The following CLASP1 variants were observed in gnomAD, a reference collection of about 807,000 sequenced individuals.
The protein encoded by CLASP1 is CLIP-associating protein 1.
In CLASP1, 38 loss-of-function variants were observed where a neutral mutation model predicts 192.3. The observed-to-expected ratio is 0.20, with a 90% CI of 0.15 to 0.26. The LOEUF (loss-of-function observed/expected upper bound fraction) is 0.26, where lower values mean the gene tolerates loss of function less well. Among genes scored for constraint, CLASP1 ranks in the 10% least tolerant of loss-of-function variants. The pLI, the probability that CLASP1 is intolerant of heterozygous loss-of-function variation, is 1.00. For synonymous variants in CLASP1, 691 were observed against 712.8 expected, an observed-to-expected ratio of 0.97 and a Z score of 0.49; for missense variants, 1,433 against 1,932.5, an observed-to-expected ratio of 0.74 and a Z score of 4.85.
chr2:121,632,678 C>A (rs1376277285), intron 1 of CLASP1, among the ~76,000 whole-genome samples: 1 of 152,110 alleles, frequency 6.6e-6, no homozygotes, highest in Non-Finnish European at 1.5e-5. Context: ...TGGCAGATCA[C>A]CTGAGGTCAG....
chr2:121,596,591 C>A (rs2063167409), intron 2 of CLASP1, among the ~76,000 whole-genome samples: 1 of 152,204 alleles, frequency 6.6e-6, no homozygotes, highest in Non-Finnish European at 1.5e-5. Context: ...AACATGTGCT[C>A]TGTAAAGCAG....
intron 22 of CLASP1, 125 bp from the exon 23 acceptor site, chr2:121,418,854 T>C (rs755945622): frequency 1.2e-5 from 8 of 676,018 alleles, no homozygotes; most frequent in Admixed American, 4.4e-5. Flanking sequence ...GGAGTTCTGA[T>C]GACTGAGCCA....
intron 7 of CLASP1, among the ~76,000 whole-genome samples, chr2:121,514,505 T>C (rs2094231773): frequency 7.0e-6 from 1 of 142,260 alleles, no homozygotes; most frequent in African/African-American, 2.6e-5. Context: ...CACAGGAACT[T>C]AAAAAAAAAA....
chr2:121,559,317 A>G (rs2058862264), intron 2 of CLASP1, among the ~76,000 whole-genome samples: 1 of 152,208 alleles, frequency 6.6e-6, no homozygotes, highest in Non-Finnish European at 1.5e-5. Flanking sequence ...ACATAAAATT[A>G]CCATATGTCT....
intron 9 of CLASP1, among the ~76,000 whole-genome samples, chr2:121,463,039 T>C (rs1323395507): frequency 1.3e-5 from 2 of 152,180 alleles, no homozygotes; most frequent in African/African-American, 4.8e-5. Context: ...TTTCACAGTT[T>C]TATTTAACTT....
At chr2:121,492,126 A>G (rs1315427822) in intron 8 of CLASP1, among the ~76,000 whole-genome samples, 1 of 152,220 alleles carries the variant, frequency 6.6e-6, no homozygotes, top group Non-Finnish European at 1.5e-5. Flanking sequence ...AGATTGGCTC[A>G]CGCCTGTAAT....
chr2:121,434,632 T>C (rs2082001277), intron 19 of CLASP1, among the ~76,000 whole-genome samples: 1 of 152,214 alleles, frequency 6.6e-6, no homozygotes, highest in Non-Finnish European at 1.5e-5. Flanking sequence ...ACAGTTAATT[T>C]GTACCTTTTC....
intron 34 of CLASP1, among the ~76,000 whole-genome samples, chr2:121,377,037 T>G (rs1177998242): frequency 6.6e-6 from 1 of 152,222 alleles, no homozygotes; most frequent in African/African-American, 2.4e-5. Context: ...ATAAACGTAA[T>G]GTGCTTGAAT....
chr2:121,404,177 A>C (rs2076561346), intron 26 of CLASP1, 194 bp downstream of exon 27: 1 of 632,410 alleles, frequency 1.6e-6, no homozygotes, highest in Non-Finnish European at 2.0e-6. Context: ...ATTTAACTTG[A>C]AATTTTATGC....
chr2:121,581,989 C>T (rs2061224908), intron 2 of CLASP1, among the ~76,000 whole-genome samples: 1 of 152,086 alleles, frequency 6.6e-6, no homozygotes, highest in South Asian at 2.1e-4. Context: ...TCAAGACCAG[C>T]CTGTCCCAAC....
chr2:121,387,089 T>C (rs915558525), intron 32 of CLASP1, 33 bp downstream of exon 33: 46 of 1,556,572 alleles, frequency 3.0e-5, no homozygotes, highest in Non-Finnish European at 3.8e-5. Context: ...TTTAGTTTCT[T>C]TACATCTGTG....
chr2:121,367,910 G>T, intron 34 of CLASP1, 79 bp from the exon 36 acceptor site: 1 of 1,549,730 alleles, frequency 6.5e-7, no homozygotes, highest in Non-Finnish European at 8.7e-7. Context: ...ATATTAAGAA[G>T]GCCAGAGATT....
chr2:121,364,841 G>A, intron 36 of CLASP1: 1 of 509,172 alleles, frequency 2.0e-6, no homozygotes, highest in Non-Finnish European at 3.6e-6. Flanking sequence ...CTAGATGCAG[G>A]AATGAAGTTT....
At chr2:121,578,125 G>A (rs1213834805) in intron 2 of CLASP1, among the ~76,000 whole-genome samples, 1 of 151,890 alleles carries the variant, frequency 6.6e-6, no homozygotes, top group East Asian at 1.9e-4. Flanking sequence ...TAGAGATAGG[G>A]TTTCACCATG....
intron 5 of CLASP1, among the ~76,000 whole-genome samples, chr2:121,526,131 A>G (rs2094568170): frequency 6.6e-6 from 1 of 152,206 alleles, no homozygotes; most frequent in Non-Finnish European, 1.5e-5. Flanking sequence ...CTTCTCCCAG[A>G]TAAGTCTTCG....
At chr2:121,631,158 C>CAAAAAAAAAAAAAA (rs869087192) in intron 1 of CLASP1, among the ~76,000 whole-genome samples, 1 of 65,150 alleles carries the variant, frequency 1.5e-5, no homozygotes, top group East Asian at 5.4e-4. Flanking sequence ...GACTCCAGCT[C>CAAAAAAAAAAAAAA]AAAAAAAAAA....
chr2:121,554,050 TA>T (rs74454324), intron 2 of CLASP1, among the ~76,000 whole-genome samples: 259 of 139,286 alleles, frequency 1.9e-3, no homozygotes, highest in Admixed American at 3.0e-3. Context: ...GCCATCTCTT[TA>T]AAAAAAAAAA....
At chr2:121,423,328 T>C (rs1489987522) in intron 22 of CLASP1, among the ~76,000 whole-genome samples, 1 of 152,156 alleles carries the variant, frequency 6.6e-6, no homozygotes, top group Non-Finnish European at 1.5e-5. Flanking sequence ...TGATGCTCCA[T>C]AATAACTGTT....
chr2:121,362,534 C>T (rs1412980997), intron 37 of CLASP1, among the ~76,000 whole-genome samples: 2 of 152,222 alleles, frequency 1.3e-5, no homozygotes, highest in African/African-American at 2.4e-5. Context: ...GGAAGAGGCA[C>T]AGCAGGGCTG....
Sources: gnomAD v4.1 joint callset for allele counts (sites outside exome capture counted in the v4.1 genomes callset) on GRCh38, gnomAD v4.1.1 for gene constraint, MANE v1.5 for transcripts, NCBI Gene and HGNC (gene_info 2026-07-23, HGNC 2026-07-21) for gene names.